FANCB: variants seen among roughly 807,000 people sequenced by gnomAD.
FANCB encodes the protein FA complementation group B.
A neutral mutation model predicts 38.9 loss-of-function variants in FANCB; 5 were observed. That is an observed-to-expected ratio of 0.13 (90% CI 0.07 to 0.27). The LOEUF (loss-of-function observed/expected upper bound fraction) is 0.27, where lower values mean the gene tolerates loss of function less well. FANCB is among the 10% of genes least tolerant of loss of function. FANCB has a pLI of 1.00. For synonymous variants in FANCB, 236 were observed against 215.4 expected (o/e 1.10, Z -0.84); for missense variants, 573 against 602.7 (o/e 0.95, Z 0.52).
the FANCB span, among the ~76,000 whole-genome samples, chrX:14,717,871 T>C: frequency 5.5e-4 from 61 of 110,922 alleles, 1 homozygote; most frequent in African/African-American, 1.8e-3. Context: ...TTTTATATGG[T>C]TCAGATACTT....
chrX:14,841,044 C>A (rs766722818), downstream of FANCB, among the ~76,000 whole-genome samples: 14 of 112,170 alleles, frequency 1.2e-4, no homozygotes, highest in Non-Finnish European at 2.4e-4. Flanking sequence ...CAGGACAGGG[C>A]TATTTTGTTG....
intron 1 of FANCB, among the ~76,000 whole-genome samples, chrX:14,871,474 G>C (rs1307387750): frequency 8.9e-6 from 1 of 111,744 alleles, no homozygotes. Flanking sequence ...TCCCACATAT[G>C]AATGAATACA....
chrX:14,797,619 T>A, the FANCB span, among the ~76,000 whole-genome samples: 16 of 104,186 alleles, frequency 1.5e-4, no homozygotes, highest in African/African-American at 5.7e-4. Flanking sequence ...GAGGAGGAGG[T>A]TGCAGTGAGC....
the FANCB span, among the ~76,000 whole-genome samples, chrX:14,716,135 A>G: frequency 9.0e-6 from 1 of 111,139 alleles, no homozygotes; most frequent in African/African-American, 3.3e-5. Context: ...CCTTATTTGC[A>G]TGTGTCTACT....
the FANCB span, among the ~76,000 whole-genome samples, chrX:14,797,692 AGAGAG>A: frequency 0.027 from 2,311 of 87,046 alleles, 79 homozygotes; most frequent in African/African-American, 0.13. Flanking sequence ...AAAAAAAAAA[AGAGAG>A]AGAGAGAGAG....
chrX:14,730,570 AGAGGAGAAGATTGAGG>A, the FANCB span: 5 of 160,033 alleles, frequency 3.1e-5, no homozygotes, highest in Non-Finnish European at 6.0e-5. Context: ...TCACTTTGAC[AGAGGAGAAGATTGAGG>A]GAGGGGGGAG....
At chrX:14,796,503 C>CATATATAATATATATAAT in the FANCB span, among the ~76,000 whole-genome samples, 4 of 95,369 alleles carry the variant, frequency 4.2e-5, no homozygotes, top group African/African-American at 1.5e-4. Flanking sequence ...ATATATATAA[C>CATATATAATATATATAAT]ATATATAATA....
chrX:14,736,799 A>G, the FANCB span, among the ~76,000 whole-genome samples: 891 of 111,972 alleles, frequency 8.0e-3, 16 homozygotes, highest in African/African-American at 0.028. Flanking sequence ...ATGCATTAGT[A>G]TCTCCACGAA....
chrX:14,857,946 T>C lies in FANCB; in HGVS notation c.1113A>G (p.Pro371=), dbSNP rs748588943. Residue 371 remains proline, a synonymous_variant, in exon 5 of 10, where the codon CCA becomes CCG. Transcript: ENST00000650831. ...DLGKINYSSE[P]SDCNEDDLFE... ...ATAAGTCATCTTCATTGCAATCTGA[T>C]GGTTCACTCTAATAAATAAATAAAT... 2.7e-6 allele frequency: 3 copies of C among 1,112,047 alleles called. No individual in the cohort carries two copies. The highest frequency in any genetic ancestry group is 1.9e-5 in the South Asian group (1 of 53,941). 91.6% of individuals were successfully genotyped at this position (1,112,047 alleles called of 1,213,427 possible).
chrX:14,871,653 T>TAA (rs1325936358), intron 1 of FANCB, among the ~76,000 whole-genome samples: 1 of 110,409 alleles, frequency 9.1e-6, no homozygotes, highest in South Asian at 3.7e-4. Context: ...TATATATATA[T>TAA]AATCATGGTT....
At chrX:14,760,904 G>A in the FANCB span, among the ~76,000 whole-genome samples, 1 of 111,500 alleles carries the variant, frequency 9.0e-6, no homozygotes, top group South Asian at 3.7e-4. Flanking sequence ...CCGGGAGGCC[G>A]AGGTTGCAGT....
At chrX:14,746,770 T>C in the FANCB span, among the ~76,000 whole-genome samples, 1 of 112,350 alleles carries the variant, frequency 8.9e-6, no homozygotes, top group African/African-American at 3.2e-5. Flanking sequence ...TGTGGTTAAG[T>C]ACATTTGAGA....
intron 9 of FANCB, 99 bp from the exon 10 acceptor site, chrX:14,844,080 C>A: frequency 1.4e-6 from 1 of 694,831 alleles, no homozygotes; most frequent in Non-Finnish European, 2.1e-6. Flanking sequence ...CATTTATAAA[C>A]ACCATAATGA....
chrX:14,816,891 C>A, the FANCB span, among the ~76,000 whole-genome samples: 1 of 111,689 alleles, frequency 9.0e-6, no homozygotes, highest in East Asian at 2.8e-4. Context: ...AGTTTCTGAA[C>A]CACTCTTTAC....
chrX:14,730,464 T>A, the FANCB span: 3 of 1,206,914 alleles, frequency 2.5e-6, no homozygotes, highest in Non-Finnish European at 3.4e-6. Flanking sequence ...TCATTCGGCA[T>A]GAAGATGTCC....
chrX:14,773,330 A>G, the FANCB span, among the ~76,000 whole-genome samples: 2 of 112,330 alleles, frequency 1.8e-5, no homozygotes, highest in Admixed American at 1.9e-4. Context: ...CTAAATAAAC[A>G]TTTCATGTCA....
chrX:14,735,798 A>T, the FANCB span, among the ~76,000 whole-genome samples: 2 of 81,662 alleles, frequency 2.4e-5, no homozygotes, highest in Admixed American at 2.9e-4. Flanking sequence ...CAGAGCTGGC[A>T]GGCAGGAACA....
At chrX:14,779,568 G>T in the FANCB span, among the ~76,000 whole-genome samples, 1 of 112,012 alleles carries the variant, frequency 8.9e-6, no homozygotes, top group African/African-American at 3.2e-5. Flanking sequence ...TGAGGACACA[G>T]CAAGAAGGCC....
At chrX:14,784,355 A>G in the FANCB span, among the ~76,000 whole-genome samples, 1 of 111,862 alleles carries the variant, frequency 8.9e-6, no homozygotes, top group African/African-American at 3.3e-5. Context: ...AGGATAATTC[A>G]TTCCCTTGCC....
Sources: allele counts gnomAD v4.1 joint callset (sites outside exome capture counted in the v4.1 genomes callset), GRCh38; gene constraint gnomAD v4.1.1; transcripts MANE v1.5; gene names NCBI Gene and HGNC (gene_info 2026-07-23, HGNC 2026-07-21).